KIF23: variants seen among roughly 807,000 people sequenced by gnomAD.
KIF23 encodes kinesin family member 23, also known as kinesin-like protein KIF23.
Under a neutral mutation model 137.5 loss-of-function variants are expected in KIF23, and 30 were observed. That is an observed-to-expected ratio of 0.22 (90% CI 0.16 to 0.30). The LOEUF is 0.30. Among genes scored for constraint, KIF23 ranks in the 10% least tolerant of loss-of-function variants. KIF23 has a pLI of 1.00. For missense variants in KIF23, 920 were observed against 1,194.3 expected (o/e 0.77, Z 3.38); for synonymous variants, 367 against 391.1 (o/e 0.94, Z 0.73).
intron 1 of KIF23, 79 bp from the exon 2 acceptor site, chr15:69,415,915 T>G: frequency 1.0e-6 from 1 of 994,662 alleles, no homozygotes; most frequent in Non-Finnish European, 1.4e-6. Flanking sequence ...CTAGAAAGAT[T>G]GTATAAGTTT....
At chr15:69,419,691 A>G (rs1466465988) in intron 3 of KIF23, among the ~76,000 whole-genome samples, 1 of 152,172 alleles carries the variant, frequency 6.6e-6, no homozygotes, top group Non-Finnish European at 1.5e-5. Context: ...TTCCTCTACC[A>G]TAATGTAAAC....
At chr15:69,432,765 A>G (rs1177077122) in intron 11 of KIF23, among the ~76,000 whole-genome samples, 2 of 152,376 alleles carry the variant, frequency 1.3e-5, no homozygotes, top group South Asian at 4.1e-4. Context: ...TAATACCTTA[A>G]AGACACAGCA....
In KIF23 at chr15:69,425,400, C is replaced by T. The variant is rs188843163; in HGVS notation, c.776+77C>T. On this transcript the variant is annotated intron_variant, in intron 8 of 23. Transcript: ENST00000679126. ...TGGTTGGCATTCTGTGGCATGTTTGCATGTAGGTTATTTTCCATTGTCACT... is the reference window on the plus strand; with the variant it reads ...TGGTTGGCATTCTGTGGCATGTTTGTATGTAGGTTATTTTCCATTGTCACT... The T allele has an allele frequency of 1.0e-3, 1,336 of 1,278,130 alleles. 15 individuals carry two copies. In the African/African-American group the frequency reaches 0.018, roughly 18 times the overall value. 79.2% of individuals were successfully genotyped at this position (1,278,130 alleles called of 1,614,324 possible). A position where few individuals can be genotyped will look rare whatever the true frequency, so the allele number is the denominator to read the frequency against.
chr15:69,423,037 G>A (rs2057098447), intron 6 of KIF23, 122 bp from the exon 7 acceptor site: 1 of 653,134 alleles, frequency 1.5e-6, no homozygotes, highest in African/African-American at 1.9e-5. Flanking sequence ...GATCTCAGGT[G>A]ATCCGCCTGC....
At chr15:69,433,206 C>T (rs1368187209) in intron 11 of KIF23, among the ~76,000 whole-genome samples, 2 of 152,180 alleles carry the variant, frequency 1.3e-5, no homozygotes, top group African/African-American at 4.8e-5. Flanking sequence ...TGGAATATTA[C>T]AGAGGTACAG....
At chr15:69,440,677 A>C in intron 18 of KIF23, 91 bp from the exon 19 acceptor site, 1 of 1,166,248 alleles carries the variant, frequency 8.6e-7, no homozygotes, top group East Asian at 2.6e-5. Context: ...TTGTAATGTT[A>C]AGTCTTCATG....
intron 10 of KIF23, among the ~76,000 whole-genome samples, chr15:69,428,572 A>G (rs1428873666): frequency 6.8e-6 from 1 of 147,842 alleles, no homozygotes; most frequent in Non-Finnish European, 1.5e-5. Context: ...AGGCAAGAGA[A>G]CCGCTTGAAC....
intron 11 of KIF23, among the ~76,000 whole-genome samples, chr15:69,433,828 C>T (rs768280326): frequency 2.0e-5 from 3 of 152,086 alleles, no homozygotes; most frequent in South Asian, 2.1e-4. Flanking sequence ...AACTCAGAAT[C>T]GATGGGTCAG....
chr15:69,443,347 T>G lies in KIF23; in HGVS notation c.2422-1443T>G, dbSNP rs1002186493. 1.5e-4 allele frequency among the ~76,000 whole-genome samples: 20 copies of G among 132,336 alleles called. 2 individuals are homozygous for G. The highest frequency in any genetic ancestry group is 5.7e-4 in the African/African-American group (19 of 33,110). The allele number at this position is 132,336 out of a possible 152,430, so 86.8% of individuals were successfully genotyped here. A position where few individuals can be genotyped will look rare whatever the true frequency, so the allele number is the denominator to read the frequency against. On this transcript the variant is annotated intron_variant, in intron 19 of 23. Coordinates refer to ENST00000679126, the MANE Select transcript of KIF23 (RefSeq NM_001367805.3). ...TTGGGTTTTTTTTTTTTTTTTTTTT[T>G]TTTTTTTTTGAGATGAGGTCTTGAT...
intron 19 of KIF23, among the ~76,000 whole-genome samples, chr15:69,442,548 T>G (rs1413249891): frequency 1.3e-5 from 2 of 152,228 alleles, no homozygotes; most frequent in Non-Finnish European, 2.9e-5. Flanking sequence ...GGGATGGTGA[T>G]GAATCCCAAG....
intron 10 of KIF23, chr15:69,427,590 G>A: frequency 5.1e-6 from 2 of 388,364 alleles, no homozygotes; most frequent in Middle Eastern, 6.0e-4. Context: ...GTTATAAGTT[G>A]TTCATCTCTT....
chr15:69,434,775 G>A (rs1364199317), intron 11 of KIF23: 19 of 1,125,644 alleles, frequency 1.7e-5, no homozygotes, highest in Non-Finnish European at 2.4e-5. Flanking sequence ...AAAGCTCTTG[G>A]CCAGAGTCCA....
At position 69,447,860 on chromosome 15, in the gene KIF23, GAA is replaced by G; in HGVS notation, c.*55_*56del. ...TTTTCATTTGTGTGGATGATTTCTC[GAA>G]AGCCATGCCAGAAGCAGTCTTCCAG... is the stretch of plus-strand genomic sequence containing the variant. On this transcript the variant is annotated 3_prime_UTR_variant, in exon 24 of 24. Transcript: ENST00000679126. 6.3e-7 allele frequency: 1 copy of G among 1,581,450 alleles called. No homozygotes were observed. Among genetic ancestry groups the G allele is most frequent in the Non-Finnish European group, 8.7e-7 (1 of 1,153,608 alleles).
chr15:69,445,167 A>T, intron 20 of KIF23, 126 bp downstream of exon 20: 2 of 948,532 alleles, frequency 2.1e-6, no homozygotes, highest in Non-Finnish European at 3.1e-6. Context: ...TATTTGATAT[A>T]ACCTTTTTGT....
chr15:69,445,942 AAT>A (rs1244615098), intron 20 of KIF23, 65 bp from the exon 21 acceptor site: 1 of 1,097,540 alleles, frequency 9.1e-7, no homozygotes, highest in East Asian at 2.4e-5. Flanking sequence ...AACAGTTTGA[AAT>A]ATATATGTGT....
Position 69,436,158 on chromosome 15 carries a change from A to G in KIF23, c.1335A>G (p.Glu445=). ...EENLQVMRFA[E]VTQEVEVARP... Reference sequence around the variant, plus strand: ...TTTAGCAAGTCATGAGATTTGCGGAAGTGACTCAAGAAGTTGAAGTAGCAA... The same window carrying G: ...TTTAGCAAGTCATGAGATTTGCGGAGGTGACTCAAGAAGTTGAAGTAGCAA... The change falls in exon 14 of 24, where the codon GAA becomes GAG. Residue 445 remains glutamate, a synonymous_variant. Coordinates refer to ENST00000679126, the MANE Select transcript of KIF23 (RefSeq NM_001367805.3). 6.2e-7 allele frequency: 1 copy of G among 1,613,784 alleles called. No homozygotes were observed. The highest frequency in any genetic ancestry group is 1.3e-5 in the African/African-American group (1 of 75,010).
chr15:69,424,854 A>G (rs1400926353), intron 7 of KIF23, among the ~76,000 whole-genome samples: 1 of 152,232 alleles, frequency 6.6e-6, no homozygotes, highest in Non-Finnish European at 1.5e-5. Flanking sequence ...CATTTGTTTT[A>G]AAGTGTCAAC....
At chr15:69,417,121 T>C (rs1275842787) in intron 2 of KIF23, among the ~76,000 whole-genome samples, 1 of 152,192 alleles carries the variant, frequency 6.6e-6, no homozygotes, top group Non-Finnish European at 1.5e-5. Context: ...TTGTGTACAA[T>C]ATAATAGTGA....
chr15:69,423,156 TAGA>T lies in KIF23; in HGVS notation c.564-2_564del. ...GTATACAATTGAACTTTTCTTTTTTTAGACGACAAGTAGATCCAGAGTTTGCAG... is the reference window on the plus strand; with the variant it reads ...GTATACAATTGAACTTTTCTTTTTTTCGACAAGTAGATCCAGAGTTTGCAG... On this transcript the variant is annotated splice_acceptor_variant and coding_sequence_variant, in exon 7 of 24. Coordinates refer to ENST00000679126, the MANE Select transcript of KIF23 (RefSeq NM_001367805.3). LOFTEE classifies it high-confidence loss of function. The T allele has an allele frequency of 6.4e-7, 1 of 1,571,008 alleles. No homozygotes were observed. The highest frequency in any genetic ancestry group is 1.9e-5 in the Admixed American group (1 of 53,318).
Sources: allele counts gnomAD v4.1 joint callset (sites outside exome capture counted in the v4.1 genomes callset), GRCh38; gene constraint gnomAD v4.1.1; transcripts MANE v1.5; gene names NCBI Gene and HGNC (gene_info 2026-07-23, HGNC 2026-07-21).